SASS6: variants seen among roughly 807,000 people sequenced by gnomAD.
SASS6 encodes the protein SAS-6 centriolar assembly protein.
A neutral mutation model predicts 94.9 loss-of-function variants in SASS6; 59 were observed. That is an observed-to-expected ratio of 0.62 (90% CI 0.50 to 0.77). The LOEUF (loss-of-function observed/expected upper bound fraction) is 0.77. Among genes scored for constraint, SASS6 ranks in the 30% least tolerant of loss-of-function variants. SASS6 has a pLI of 0.00. For missense variants in SASS6, 698 were observed against 734.1 expected (o/e 0.95, Z 0.57); for synonymous variants, 264 against 270.0 (o/e 0.98, Z 0.22).
chr1:100,114,891 C>T (rs913993527), intron 7 of SASS6, among the ~76,000 whole-genome samples: 17 of 152,018 alleles, frequency 1.1e-4, no homozygotes, highest in African/African-American at 2.9e-4. Flanking sequence ...GGAAAAATGA[C>T]GTAATTATTT....
rs376932174 is a variant in SASS6 at position 100,110,315 on chromosome 1, C to T, written c.838G>A (p.Ala280Thr). 28 of 1,571,728 alleles carry T rather than the reference C, an allele frequency of 1.8e-5. No homozygotes were observed. The African/African-American group carries it at 3.4e-4, about 19-fold the overall frequency. Residue 280 changes from alanine (A) to threonine (T), a missense_variant, in exon 8 of 17, where the codon GCA becomes ACA. Ala to Thr is a moderately conservative substitution (Grantham distance 58, BLOSUM62 0). Transcript: ENST00000287482. ...ACCTCTTCAACACCAGAAAGTTTTG[C>T]TTTAAGTTCTCTAATAGTGGAGTCT... ...KGDSTIRELK[A>T]KLSGVEEELQ...
In SASS6 at chr1:100,085,643, A is replaced by G; in HGVS notation, c.1773-13T>C. 1 of 1,494,728 alleles carries G rather than the reference A, an allele frequency of 6.7e-7. No homozygotes were observed. The allele number at this position is 1,494,728 out of a possible 1,614,324, so 92.6% of individuals were successfully genotyped here. A position where few individuals can be genotyped will look rare whatever the true frequency, so the allele number is the denominator to read the frequency against. The stretch of plus-strand genomic sequence containing the variant: ...TACATTTTCACCACTTAAAAAGAAA[A>G]TGGTAATAACTTATTTAACAAAGTC... On this transcript the variant is annotated splice_polypyrimidine_tract_variant and intron_variant, in intron 15 of 16. Coordinates refer to ENST00000287482, the MANE Select transcript of SASS6 (RefSeq NM_194292.3).
chr1:100,117,673 AAAC>A (rs950665055), intron 7 of SASS6, among the ~76,000 whole-genome samples: 21 of 151,998 alleles, frequency 1.4e-4, no homozygotes, highest in African/African-American at 4.8e-4. Context: ...ATGAAAAAAA[AAAC>A]AACCACACAG....
Position 100,107,414 on chromosome 1 carries a change from A to G in SASS6, c.1286T>C (p.Leu429Ser), listed in dbSNP as rs987324536. ...TCGAAGAGACTGTCCAACATCTTGT[A>G]ATTCCTTTTGTTCCTTTTGTAATTT... The part of the protein sequence containing the change: ...EEKLQKEQKE[L>S]QDVGQSLRIK... The change falls in exon 11 of 17, where the codon TTA becomes TCA. Residue 429 changes from leucine (L) to serine (S), a missense_variant. By Grantham distance (145) the Leu-to-Ser change is moderately radical. Transcript: ENST00000287482. 6.2e-6 allele frequency: 10 copies of G among 1,609,634 alleles called. No homozygotes were observed. The Admixed American group carries it at 8.4e-5, about 13-fold the overall frequency.
rs143322383 is a variant in SASS6, at chr1:100,122,477, A to T, written c.214T>A (p.Phe72Ile). ...ISEEDFQSLK[F>I]QQGLLVDFLA... ...AAGTCTACCAGAAGACCTTGCTGGA[A>T]TTTTAAACTATACAGAAGAAAGGAA... Residue 72 changes from phenylalanine to isoleucine, a missense_variant, in exon 4 of 17, where the codon TTC becomes ATC. Coordinates refer to ENST00000287482, the MANE Select transcript of SASS6 (RefSeq NM_194292.3). 81 of 1,435,070 alleles carry T rather than the reference A, an allele frequency of 5.6e-5. No homozygotes were observed. The highest frequency in any genetic ancestry group is 7.8e-5 in the Non-Finnish European group (80 of 1,022,992). The allele number at this position is 1,435,070 out of a possible 1,614,324, so 88.9% of individuals were successfully genotyped here. A position where few individuals can be genotyped will look rare whatever the true frequency, so the allele number is the denominator to read the frequency against.
intron 14 of SASS6, among the ~76,000 whole-genome samples, chr1:100,092,525 C>T (rs1418633145): frequency 6.6e-5 from 10 of 152,126 alleles, no homozygotes; most frequent in Non-Finnish European, 1.5e-5. Context: ...ATGGTAAACA[C>T]TGGGTAATAT....
At chr1:100,094,387 T>C (rs1651969592) in intron 14 of SASS6, among the ~76,000 whole-genome samples, 2 of 151,916 alleles carry the variant, frequency 1.3e-5, no homozygotes, top group South Asian at 2.1e-4. Context: ...TTAAAGAAAA[T>C]ATAAAGCAAC....
intron 1 of SASS6, among the ~76,000 whole-genome samples, chr1:100,131,449 C>T (rs985694373): frequency 7.2e-5 from 11 of 152,096 alleles, no homozygotes; most frequent in African/African-American, 2.7e-4. Context: ...CCAATATACC[C>T]AAAAATATTG....
At chr1:100,095,811 T>C (rs2101647363) in intron 14 of SASS6, among the ~76,000 whole-genome samples, 1 of 152,218 alleles carries the variant, frequency 6.6e-6, no homozygotes, top group Admixed American at 6.5e-5. Context: ...ATACCCACAA[T>C]AGCATCTAAA....
chr1:100,102,675 C>CAAAA (rs67844941), intron 14 of SASS6, among the ~76,000 whole-genome samples: 26 of 70,100 alleles, frequency 3.7e-4, no homozygotes, highest in South Asian at 1.6e-3. Context: ...AAGACTGTCT[C>CAAAA]AAAAAAAAAA....
At chr1:100,110,217 C>T in intron 8 of SASS6, 75 bp downstream of exon 8, 2 of 846,778 alleles carry the variant, frequency 2.4e-6, no homozygotes, top group Non-Finnish European at 3.6e-6. Context: ...ACCACCCACA[C>T]AAGTAACCAC....
At chr1:100,114,649 C>T (rs1570702164) in intron 7 of SASS6, among the ~76,000 whole-genome samples, 1 of 151,992 alleles carries the variant, frequency 6.6e-6, no homozygotes, top group Non-Finnish European at 1.5e-5. Flanking sequence ...GCCCGGAAGG[C>T]TGAGGATGCA....
chr1:100,102,211 T>A (rs1652541796), intron 14 of SASS6, among the ~76,000 whole-genome samples: 2 of 152,152 alleles, frequency 1.3e-5, no homozygotes, highest in Non-Finnish European at 2.9e-5. Flanking sequence ...TCATATCTTA[T>A]CTGAGATAAT....
rs945014390 is a variant in SASS6 at position 100,083,726 on chromosome 1, G to A, written c.*1602C>T. ...AAAGAATTAGCACACTTGGAAGTCTGTATACATTTAATACAAATTTGCAAG... is the reference window on the plus strand; with the variant it reads ...AAAGAATTAGCACACTTGGAAGTCTATATACATTTAATACAAATTTGCAAG... On this transcript the variant is annotated 3_prime_UTR_variant, in exon 17 of 17. Transcript: ENST00000287482. The A allele has an allele frequency of 6.6e-6, 1 of 151,956 alleles. No individual in the cohort carries two copies. The highest frequency in any genetic ancestry group is 2.4e-5 in the African/African-American group (1 of 41,392). 9.4% of individuals were successfully genotyped at this position (151,956 alleles called of 1,614,324 possible). A position where few individuals can be genotyped will look rare whatever the true frequency, so the allele number is the denominator to read the frequency against.
At chr1:100,094,974 T>C (rs569763505) in intron 14 of SASS6, among the ~76,000 whole-genome samples, 1 of 151,944 alleles carries the variant, frequency 6.6e-6, no homozygotes, top group African/African-American at 2.4e-5. Flanking sequence ...AAGGCTAATA[T>C]AATCTTAAAC....
At chr1:100,107,017 T>C (rs752054921) in intron 11 of SASS6, 24 bp from the exon 12 acceptor site, 1 of 971,938 alleles carries the variant, frequency 1.0e-6, no homozygotes, top group South Asian at 1.4e-5. Context: ...ATCATCACAA[T>C]AAGTCAAGCA....
intron 15 of SASS6, among the ~76,000 whole-genome samples, chr1:100,087,700 GC>G (rs1169179812): frequency 2.0e-5 from 3 of 152,244 alleles, no homozygotes; most frequent in African/African-American, 7.2e-5. Flanking sequence ...ATATTAACTA[GC>G]TGGTATTTTA....
chr1:100,098,676 A>C (rs901559018), intron 14 of SASS6, among the ~76,000 whole-genome samples: 8 of 152,106 alleles, frequency 5.3e-5, no homozygotes, highest in Non-Finnish European at 1.0e-4. Context: ...GGATTGAAAA[A>C]AACCTACTCA....
chr1:100,102,839 A>G, intron 14 of SASS6, 116 bp downstream of exon 14: 1 of 742,236 alleles, frequency 1.3e-6, no homozygotes, highest in East Asian at 2.5e-5. Context: ...CTAATACACT[A>G]CCTACTACTT....
Sources: gnomAD v4.1 joint callset for allele counts (sites outside exome capture counted in the v4.1 genomes callset) on GRCh38, gnomAD v4.1.1 for gene constraint, MANE v1.5 for transcripts, NCBI Gene and HGNC (gene_info 2026-07-23, HGNC 2026-07-21) for gene names.